Variants in PUS7L observed in about 807,000 individuals in gnomAD.
The protein encoded by PUS7L is pseudouridine synthase 7 like.
A neutral mutation model predicts 51.1 loss-of-function variants in PUS7L; 49 were observed. The observed-to-expected ratio is 0.96, with a 90% CI of 0.76 to 1.22. The LOEUF is 1.22. PUS7L is among the 50% of genes most tolerant of loss of function. The pLI is 0.00. For synonymous variants in PUS7L, 277 were observed against 276.2 expected (o/e 1.00, Z -0.03); for missense variants, 828 against 820.6 (o/e 1.01, Z -0.11).
chr12:43,731,051 C>T (rs1028480115), intron 8 of PUS7L, among the ~76,000 whole-genome samples: 1 of 152,178 alleles, frequency 6.6e-6, no homozygotes, highest in Non-Finnish European at 1.5e-5. Flanking sequence ...AGAGTAACCT[C>T]TACTGCTCAG....
At chr12:43,743,428 A>G (rs2137710213) in intron 4 of PUS7L, among the ~76,000 whole-genome samples, 1 of 152,360 alleles carries the variant, frequency 6.6e-6, no homozygotes, top group Admixed American at 6.5e-5. Context: ...TGTTATCAGC[A>G]TGGTACAAAA....
intron 2 of PUS7L, among the ~76,000 whole-genome samples, chr12:43,751,643 T>C (rs1938451965): frequency 6.6e-6 from 1 of 152,210 alleles, no homozygotes. Flanking sequence ...TTCTGAGTAG[T>C]GCTGCAATAA....
rs755112611 is a variant in PUS7L, at chr12:43,745,238, G to A, written c.1263+808C>T. Among the ~76,000 whole-genome samples the A allele has an allele frequency of 3.3e-5, 5 of 152,160 alleles. No homozygotes were observed. In the East Asian group the frequency reaches 5.8e-4, roughly 18 times the overall value. On this transcript the variant is annotated intron_variant, in intron 4 of 8. Transcript: ENST00000344862. ...AGTTGTATGTGCACATTTAAATGTC[G>A]GGAAAATGTCATTTAGAAACTTATG...
chr12:43,739,967 C>T (rs946160964), intron 5 of PUS7L: 1 of 152,036 alleles, frequency 6.6e-6, no homozygotes, highest in East Asian at 1.9e-4. Flanking sequence ...TAATGGCATA[C>T]ATTTCAGACT....
chr12:43,722,425 A>T lies in PUS7L; in HGVS notation c.*7951T>A, dbSNP rs1423938292. ...CATCAAAATAAAGAAGACATAAAAAATAGTCATCAAATGTTTTCAATGCAT... is the reference window on the plus strand; with the variant it reads ...CATCAAAATAAAGAAGACATAAAAATTAGTCATCAAATGTTTTCAATGCAT... On this transcript the variant is annotated 3_prime_UTR_variant, in exon 9 of 9. Coordinates refer to ENST00000344862, the MANE Select transcript of PUS7L (RefSeq NM_031292.5). The T allele has an allele frequency of 6.6e-6, 1 of 152,158 alleles. No individual in the cohort carries two copies. Among genetic ancestry groups the T allele is most frequent in the African/African-American group, 2.4e-5 (1 of 41,450 alleles). 9.4% of individuals were successfully genotyped at this position (152,158 alleles called of 1,614,324 possible).
rs1352573293 is a variant in PUS7L, at chr12:43,726,814, G to A, written c.*3562C>T. On this transcript the variant is annotated 3_prime_UTR_variant, in exon 9 of 9. Coordinates refer to ENST00000344862, the MANE Select transcript of PUS7L (RefSeq NM_031292.5). Reference sequence around the variant, plus strand: ...CTGCACTCCAGCCTGGGTGACAGAAGGAAACTCCATCTAAAAAAAAAAAAA... The same window carrying A: ...CTGCACTCCAGCCTGGGTGACAGAAAGAAACTCCATCTAAAAAAAAAAAAA... The A allele has an allele frequency of 7.4e-5, 11 of 149,580 alleles. No homozygotes were observed. The highest frequency in any genetic ancestry group is 2.2e-4 in the African/African-American group (9 of 40,592). 9.3% of individuals were successfully genotyped at this position (149,580 alleles called of 1,614,324 possible).
At chr12:43,740,568 T>C (rs552547072) in intron 5 of PUS7L, among the ~76,000 whole-genome samples, 1 of 152,232 alleles carries the variant, frequency 6.6e-6, no homozygotes, top group South Asian at 2.1e-4. Context: ...CTAAAGAATA[T>C]ACAGGTTGGG....
chr12:43,746,351 A>T (rs770272044), intron 3 of PUS7L, 113 bp from the exon 4 acceptor site: 1 of 523,498 alleles, frequency 1.9e-6, no homozygotes, highest in Non-Finnish European at 3.3e-6. Flanking sequence ...ATACTAATAC[A>T]ATTTTTTAAG....
At chr12:43,758,666 C>A in intron 1 of PUS7L, 64 bp downstream of exon 1, 3 of 459,626 alleles carry the variant, frequency 6.5e-6, no homozygotes, top group South Asian at 1.2e-4. Context: ...CCCCCCCCCC[C>A]ACACACACAC....
intron 7 of PUS7L, 44 bp downstream of exon 7, chr12:43,736,337 G>A (rs760771711): frequency 6.5e-7 from 1 of 1,539,566 alleles, no homozygotes; most frequent in Non-Finnish European, 8.9e-7. Context: ...TCATGTTCTG[G>A]TATAGTAACT....
chr12:43,731,877 C>T (rs373524804), intron 7 of PUS7L, 119 bp from the exon 8 acceptor site: 19 of 630,030 alleles, frequency 3.0e-5, no homozygotes, highest in Middle Eastern at 3.1e-4. Flanking sequence ...ATACATAAAC[C>T]CAAACAAGAT....
At chr12:43,733,806 A>AT (rs148963642) in intron 7 of PUS7L, among the ~76,000 whole-genome samples, 32,602 of 152,060 alleles carry the variant, frequency 0.21, 5,231 homozygotes, top group African/African-American at 0.46. Flanking sequence ...AATAAAACTT[A>AT]AATGCTACTA....
At chr12:43,735,044 G>A (rs1425804098) in intron 7 of PUS7L, among the ~76,000 whole-genome samples, 2 of 152,144 alleles carry the variant, frequency 1.3e-5, no homozygotes, top group Non-Finnish European at 2.9e-5. Context: ...GGCCGGGTGC[G>A]GAGGCTCACG....
chr12:43,736,110 T>C (rs1169376546), intron 7 of PUS7L, among the ~76,000 whole-genome samples: 1 of 152,168 alleles, frequency 6.6e-6, no homozygotes, highest in Non-Finnish European at 1.5e-5. Flanking sequence ...TGTGCATTAT[T>C]TGTGTAATCT....
At position 43,729,218 on chromosome 12, in the gene PUS7L, A is replaced by T. The variant is rs1296936637; in HGVS notation, c.*1158T>A. On this transcript the variant is annotated 3_prime_UTR_variant, in exon 9 of 9. Coordinates refer to ENST00000344862, the MANE Select transcript of PUS7L (RefSeq NM_031292.5). ...TAGTGTCTGTATATGAAAATATTGC[A>T]ATAAGCAAATTTTGCATTGCATATA... 1.0e-5 allele frequency: 4 copies of T among 397,886 alleles called. No individual in the cohort carries two copies. Among genetic ancestry groups the T allele is most frequent in the Non-Finnish European group, 1.8e-5 (4 of 225,640 alleles). The allele number at this position is 397,886 out of a possible 1,614,324, so 24.6% of individuals were successfully genotyped here.
intron 5 of PUS7L, 24 bp downstream of exon 5, chr12:43,742,433 G>T: frequency 6.6e-7 from 1 of 1,509,092 alleles, no homozygotes; most frequent in Non-Finnish European, 9.2e-7. Context: ...AAACAGATAA[G>T]ATTACATTTT....
Position 43,748,489 on chromosome 12 carries a change from G to A in PUS7L, c.1031C>T (p.Thr344Ile), listed in dbSNP as rs772187745. ...YAGLKDKKAI[T>I]YQAMVVRKVT... is the part of the protein sequence containing the mutation. ...TTTTCTAACAACCATTGCTTGATAG[G>A]TGATGGCTTTCTTGTCTTTAAGGCC... Residue 344 changes from threonine (T) to isoleucine (I), a missense_variant, in exon 3 of 9, where the codon ACC becomes ATC. Physicochemically the swap from Thr to Ile is moderately conservative, Grantham distance 89. Transcript: ENST00000344862. 2 of 1,607,720 alleles carry A rather than the reference G, an allele frequency of 1.2e-6. No homozygotes were observed. Among genetic ancestry groups the A allele is most frequent in the East Asian group, 2.2e-5 (1 of 44,762 alleles).
Position 43,728,140 on chromosome 12 carries a change from T to G in PUS7L, c.*2236A>C, listed in dbSNP as rs1944479743. The G allele has an allele frequency of 6.6e-6, 1 of 151,560 alleles. No homozygotes were observed. Among genetic ancestry groups the G allele is most frequent in the Non-Finnish European group, 1.5e-5 (1 of 67,918 alleles). 9.4% of individuals were successfully genotyped at this position (151,560 alleles called of 1,614,324 possible). On this transcript the variant is annotated 3_prime_UTR_variant, in exon 9 of 9. Transcript: ENST00000344862. Reference sequence around the variant, plus strand: ...CTGCAAAAACCTAAGTGACTAGTCATCAGTTGGTCCAAAGCATACTATTAA... The same window carrying G: ...CTGCAAAAACCTAAGTGACTAGTCAGCAGTTGGTCCAAAGCATACTATTAA...
In PUS7L at chr12:43,719,583, T is replaced by C. The variant is rs1410787613; in HGVS notation, c.*10793A>G. 6.6e-6 allele frequency: 1 copy of C among 152,044 alleles called. No homozygotes were observed. The highest frequency in any genetic ancestry group is 2.4e-5 in the African/African-American group (1 of 41,356). The allele number at this position is 152,044 out of a possible 1,614,324, so 9.4% of individuals were successfully genotyped here. Reference sequence around the variant, plus strand: ...TTTGAATGTCTAGTAGAACCAACCATTGAACACATCTGGCCCTGACCTTCC... The same window carrying C: ...TTTGAATGTCTAGTAGAACCAACCACTGAACACATCTGGCCCTGACCTTCC... On this transcript the variant is annotated 3_prime_UTR_variant, in exon 9 of 9. Transcript: ENST00000344862.
Sources: allele counts gnomAD v4.1 joint callset (sites outside exome capture counted in the v4.1 genomes callset), GRCh38; gene constraint gnomAD v4.1.1; transcripts MANE v1.5; gene names NCBI Gene and HGNC (gene_info 2026-07-23, HGNC 2026-07-21).